The following CPNE4 variants were observed in gnomAD, a reference collection of about 807,000 sequenced individuals.
CPNE4 encodes copine-4.
In CPNE4, 25 loss-of-function variants were observed where a neutral mutation model predicts 67.9. The observed-to-expected ratio is 0.37, with a 90% confidence interval of 0.27 to 0.51. CPNE4 has a LOEUF of 0.51. Among genes scored for constraint, CPNE4 ranks in the 20% least tolerant of loss-of-function variants. The pLI, the probability that CPNE4 is intolerant of heterozygous loss-of-function variation, is 0.93. For missense variants in CPNE4, 464 were observed against 690.8 expected, an observed-to-expected ratio of 0.67 and a Z score of 3.68; for synonymous variants, 242 against 244.9, an observed-to-expected ratio of 0.99 and a Z score of 0.11.
At chr3:132,024,530 T>A (rs900506665) in intron 1 of CPNE4, among the ~76,000 whole-genome samples, 69 of 152,322 alleles carry the variant, frequency 4.5e-4, no homozygotes, top group African/African-American at 1.6e-3. Context: ...ACTTGCTGTG[T>A]AATCACAGCC....
chr3:131,740,844 A>T (rs1013813282), intron 2 of CPNE4, among the ~76,000 whole-genome samples: 1 of 152,120 alleles, frequency 6.6e-6, no homozygotes, highest in Non-Finnish European at 1.5e-5. Flanking sequence ...CTTTATTACC[A>T]TTCTGATCTC....
chr3:131,548,797 C>T (rs758299370), intron 14 of CPNE4, among the ~76,000 whole-genome samples: 2 of 152,130 alleles, frequency 1.3e-5, no homozygotes, highest in Non-Finnish European at 2.9e-5. Context: ...TTAGATTTTA[C>T]TCCAAGTATG....
intron 1 of CPNE4, among the ~76,000 whole-genome samples, chr3:132,024,408 A>G (rs1387872528): frequency 1.3e-5 from 2 of 152,084 alleles, no homozygotes; most frequent in Non-Finnish European, 2.9e-5. Flanking sequence ...AGTTATTAAG[A>G]GTGTAAAGCA....
chr3:131,919,727 A>G (rs569343910), intron 1 of CPNE4, among the ~76,000 whole-genome samples: 1 of 152,314 alleles, frequency 6.6e-6, no homozygotes, highest in South Asian at 2.1e-4. Flanking sequence ...AATAGCGTCA[A>G]CCTATATAAT....
chr3:131,870,109 C>A (rs1428261862), intron 2 of CPNE4, among the ~76,000 whole-genome samples: 1 of 152,066 alleles, frequency 6.6e-6, no homozygotes, highest in Non-Finnish European at 1.5e-5. Context: ...AAAAGAGGGA[C>A]CTCAGAAGAA....
intron 2 of CPNE4, among the ~76,000 whole-genome samples, chr3:131,778,631 G>A (rs2083351521): frequency 6.6e-6 from 1 of 152,026 alleles, no homozygotes; most frequent in South Asian, 2.1e-4. Flanking sequence ...GTTTCTTTTG[G>A]AGAGTGTGCC....
chr3:131,767,258 A>AAC (rs1553767656), intron 2 of CPNE4, among the ~76,000 whole-genome samples: 1 of 55,696 alleles, frequency 1.8e-5, no homozygotes, highest in African/African-American at 6.7e-5. Flanking sequence ...GCTAAGTGTG[A>AAC]GCGTGTGTGT....
At chr3:131,981,439 T>C (rs1340166075) in intron 1 of CPNE4, among the ~76,000 whole-genome samples, 2 of 151,920 alleles carry the variant, frequency 1.3e-5, no homozygotes, top group African/African-American at 4.8e-5. Context: ...TATGGCCGCC[T>C]CTTCTGAGTC....
At chr3:131,802,967 G>C (rs909029632) in intron 2 of CPNE4, among the ~76,000 whole-genome samples, 2 of 152,072 alleles carry the variant, frequency 1.3e-5, no homozygotes, top group African/African-American at 4.8e-5. Flanking sequence ...GGCCTCAGAT[G>C]GAAAACCTGT....
chr3:131,658,184 T>C (rs951540600), intron 7 of CPNE4, among the ~76,000 whole-genome samples: 7 of 152,178 alleles, frequency 4.6e-5, no homozygotes, highest in Admixed American at 1.3e-4. Flanking sequence ...ATCTGCCTTT[T>C]GCCGTGAGTC....
chr3:131,768,915 C>T (rs2083093569), intron 2 of CPNE4, among the ~76,000 whole-genome samples: 1 of 152,162 alleles, frequency 6.6e-6, no homozygotes, highest in Non-Finnish European at 1.5e-5. Context: ...CTTATATATG[C>T]TAGAAAAAGA....
intron 10 of CPNE4, among the ~76,000 whole-genome samples, chr3:131,565,816 TG>T (rs1289572902): frequency 6.6e-5 from 8 of 121,680 alleles, no homozygotes; most frequent in African/African-American, 3.6e-4. Context: ...ACTAAGAGTA[TG>T]TAAAAAAAAA....
At chr3:131,561,235 C>A (rs142110149) in intron 11 of CPNE4, among the ~76,000 whole-genome samples, 473 of 152,120 alleles carry the variant, frequency 3.1e-3, no homozygotes, top group African/African-American at 0.011. Flanking sequence ...AGACCCATAT[C>A]CCTACTGGCC....
At chr3:131,963,703 G>A (rs2072253630) in intron 1 of CPNE4, among the ~76,000 whole-genome samples, 1 of 152,192 alleles carries the variant, frequency 6.6e-6, no homozygotes, top group Non-Finnish European at 1.5e-5. Flanking sequence ...TCACTGGGCA[G>A]GGCATCTCTG....
chr3:131,552,325 CA>C, intron 13 of CPNE4, 114 bp downstream of exon 13: 1 of 858,866 alleles, frequency 1.2e-6, no homozygotes, highest in Non-Finnish European at 1.9e-6. Context: ...ATACAGAAAG[CA>C]GAGATTCTGT....
chr3:131,591,451 TC>T (rs1938525707), intron 7 of CPNE4, among the ~76,000 whole-genome samples: 1 of 152,162 alleles, frequency 6.6e-6, no homozygotes, highest in Admixed American at 6.5e-5. Flanking sequence ...CATTAGATTT[TC>T]CATCATGCTT....
intron 6 of CPNE4, 27 bp downstream of exon 6, chr3:131,685,848 G>A (rs777683566): frequency 1.3e-5 from 19 of 1,455,584 alleles, no homozygotes; most frequent in Non-Finnish European, 1.5e-5. Flanking sequence ...TAGGAGATAA[G>A]AGGGCATAGC....
intron 1 of CPNE4, among the ~76,000 whole-genome samples, chr3:131,934,109 G>C (rs1216330039): frequency 1.3e-5 from 2 of 152,182 alleles, no homozygotes; most frequent in African/African-American, 4.8e-5. Flanking sequence ...TTAGGGTACA[G>C]AGATGGAAAT....
At chr3:131,700,036 TAG>T in intron 3 of CPNE4, 56 bp from the exon 4 acceptor site, 1 of 1,018,890 alleles carries the variant, frequency 9.8e-7, no homozygotes, top group Non-Finnish European at 1.4e-6. Context: ...CATTTAACTG[TAG>T]ATCTATTTTT....
Sources: allele counts gnomAD v4.1 joint callset (sites outside exome capture counted in the v4.1 genomes callset), GRCh38; gene constraint gnomAD v4.1.1; transcripts MANE v1.5; gene names NCBI Gene and HGNC (gene_info 2026-07-23, HGNC 2026-07-21).